The following LAMB4 variants were observed in gnomAD, a reference collection of about 807,000 sequenced individuals.
The protein encoded by LAMB4 is laminin subunit beta 4.
A neutral mutation model predicts 199.2 loss-of-function variants in LAMB4; 196 were observed. The ratio of observed to expected loss-of-function variants is 0.98; its 90% confidence interval spans 0.88 to 1.11. The LOEUF (loss-of-function observed/expected upper bound fraction) is 1.11. Among genes scored for constraint, LAMB4 ranks in the 50% least tolerant of loss-of-function variants. The pLI, the probability that LAMB4 is intolerant of heterozygous loss-of-function variation, is 0.00. For missense variants in LAMB4, 2,080 were observed against 2,171.2 expected (o/e 0.96, Z 0.83); for synonymous variants, 744 against 770.6 (o/e 0.97, Z 0.57).
chr7:108,113,665 C>A (rs2038308858), intron 3 of LAMB4, among the ~76,000 whole-genome samples: 1 of 152,170 alleles, frequency 6.6e-6, no homozygotes, highest in African/African-American at 2.4e-5. Flanking sequence ...AACTTCAGGG[C>A]TTGTGGACCA....
intron 29 of LAMB4, among the ~76,000 whole-genome samples, chr7:108,038,897 G>A (rs569509882): frequency 7.2e-5 from 11 of 152,272 alleles, no homozygotes; most frequent in African/African-American, 2.4e-4. Flanking sequence ...GCCGTCAGGT[G>A]AGGACCTATA....
intron 24 of LAMB4, among the ~76,000 whole-genome samples, chr7:108,057,607 C>T (rs374638363): frequency 4.5e-4 from 69 of 151,948 alleles, no homozygotes; most frequent in African/African-American, 1.5e-3. Context: ...AGACAGGCTA[C>T]GAATTTTAAT....
Position 108,057,871 on chromosome 7 carries a change from G to A in LAMB4, c.3340C>T (p.Gln1114Ter), listed in dbSNP as rs1174848391. 1.2e-6 allele frequency: 2 copies of A among 1,613,490 alleles called. No homozygotes were observed. The highest frequency in any genetic ancestry group is 2.7e-5 in the African/African-American group (2 of 74,866). The change falls in exon 24 of 34, where the codon CAG (glutamine) becomes TAG (stop). Residue 1114 changes from glutamine to a stop codon, truncating the protein, a stop_gained. Coordinates refer to ENST00000388781, the MANE Select transcript of LAMB4 (RefSeq NM_007356.3). LOFTEE classifies it high-confidence loss of function. The stretch of plus-strand genomic sequence containing the variant: ...GGTGGATCACCATAATAATTTTCCT[G>A]GCACTCACTGCAACGTTTCCCGCCG... ...GYGGKRCSEC[Q>*]ENYYGDPPGR...
At chr7:108,128,269 C>G (rs182319590) in intron 1 of LAMB4, among the ~76,000 whole-genome samples, 8 of 152,230 alleles carry the variant, frequency 5.3e-5, no homozygotes, top group Admixed American at 2.0e-4. Context: ...ATGTCTTGTT[C>G]GCTGACTCCA....
chr7:108,109,338 C>A (rs886608352), intron 4 of LAMB4, 94 bp from the exon 5 acceptor site: 5 of 892,080 alleles, frequency 5.6e-6, no homozygotes, highest in Admixed American at 1.8e-5. Context: ...GTAATAAAAT[C>A]TCTTTGATGC....
At chr7:108,024,500 G>A (rs918859433) in intron 33 of LAMB4, among the ~76,000 whole-genome samples, 2 of 152,124 alleles carry the variant, frequency 1.3e-5, no homozygotes, top group African/African-American at 2.4e-5. Flanking sequence ...ATTTCCAAAG[G>A]TTTGTTCTTA....
At chr7:108,040,264 C>T (rs1448360731) in intron 29 of LAMB4, among the ~76,000 whole-genome samples, 2 of 152,066 alleles carry the variant, frequency 1.3e-5, no homozygotes, top group Non-Finnish European at 2.9e-5. Context: ...CCAGAGGTGA[C>T]TCAAACAAAT....
chr7:108,057,497 T>C (rs2036020124), intron 24 of LAMB4, among the ~76,000 whole-genome samples: 1 of 152,226 alleles, frequency 6.6e-6, no homozygotes, highest in Non-Finnish European at 1.5e-5. Flanking sequence ...TGGCTATGTA[T>C]GGCTGACCAT....
chr7:108,122,856 T>C (rs2038648095), intron 2 of LAMB4, among the ~76,000 whole-genome samples: 1 of 152,242 alleles, frequency 6.6e-6, no homozygotes, highest in East Asian at 1.9e-4. Context: ...ATTGTATTTG[T>C]AAATTAAGAC....
In LAMB4 at chr7:108,091,688, G is replaced by A. The variant is rs1229228768; in HGVS notation, c.1639C>T (p.Pro547Ser). 1 of 1,614,026 alleles carries A rather than the reference G, an allele frequency of 6.2e-7. No individual in the cohort carries two copies. Among genetic ancestry groups the A allele is most frequent in the Non-Finnish European group, 8.5e-7 (1 of 1,180,026 alleles). ...GCCTCGTAGAGATAGAAATTCAAAG[G>A]AGCAAAGAAGTAGCCAGGGGCTGGT... Reference protein sequence around the residue: ...SEPAPGYFFAPLNFYLYEAEE... With the variant: ...SEPAPGYFFASLNFYLYEAEE... The change falls in exon 14 of 34, where the codon CCT becomes TCT. Residue 547 changes from proline (P) to serine (S), a missense_variant. Transcript: ENST00000388781.
intron 26 of LAMB4, 73 bp from the exon 27 acceptor site, chr7:108,049,604 A>C: frequency 1.2e-6 from 1 of 822,556 alleles, no homozygotes. Context: ...TATTAAGATA[A>C]TCATTCTATA....
intron 29 of LAMB4, 103 bp from the exon 30 acceptor site, chr7:108,037,698 G>A: frequency 6.3e-6 from 5 of 796,850 alleles, no homozygotes; most frequent in East Asian, 5.0e-5. Flanking sequence ...ACTTGCACTT[G>A]ATTATGTGCC....
rs138692380 is a variant in LAMB4 at position 108,047,851 on chromosome 7, A to G, written c.4326+57T>C. On this transcript the variant is annotated intron_variant, in intron 28 of 33. Transcript: ENST00000388781. ...TTATATGGCAGTTTTATAAATTTTAAGCAGTCTGCTTCTTTATTGCTATAA... is the reference window on the plus strand; with the variant it reads ...TTATATGGCAGTTTTATAAATTTTAGGCAGTCTGCTTCTTTATTGCTATAA... 11 of 1,401,554 alleles carry G rather than the reference A, an allele frequency of 7.8e-6. No homozygotes were observed. The Admixed American group carries it at 1.9e-4, about 24-fold the overall frequency. 86.8% of individuals were successfully genotyped at this position (1,401,554 alleles called of 1,614,324 possible).
At position 108,111,955 on chromosome 7, in the gene LAMB4, C is replaced by G; in HGVS notation, c.193-9G>C. On this transcript the variant is annotated splice_polypyrimidine_tract_variant and intron_variant, in intron 3 of 33. Transcript: ENST00000388781. ...AAGCATTTTTGTTCCCCCTGGAAAA[C>G]ACCATTATTAAAATTAAAAATAAAA... 6.3e-7 allele frequency: 1 copy of G among 1,585,814 alleles called. No homozygotes were observed. Among genetic ancestry groups the G allele is most frequent in the Non-Finnish European group, 8.5e-7 (1 of 1,169,670 alleles).
At chr7:108,060,980 A>T (rs755599208) in intron 23 of LAMB4, among the ~76,000 whole-genome samples, 3 of 152,244 alleles carry the variant, frequency 2.0e-5, no homozygotes, top group Non-Finnish European at 4.4e-5. Flanking sequence ...TGCTTCAGCC[A>T]GGTGACCAAG....
intron 5 of LAMB4, among the ~76,000 whole-genome samples, chr7:108,108,131 G>T (rs2038091508): frequency 1.3e-5 from 2 of 151,952 alleles, no homozygotes; most frequent in Admixed American, 1.3e-4. Context: ...CCAGAGTTTT[G>T]CCATGTTGCC....
intron 4 of LAMB4, among the ~76,000 whole-genome samples, chr7:108,109,508 G>A (rs1476849531): frequency 1.3e-5 from 2 of 152,176 alleles, no homozygotes; most frequent in African/African-American, 4.8e-5. Context: ...CATTACATAT[G>A]ACCAAGGGAG....
chr7:108,116,111 G>T lies in LAMB4; in HGVS notation c.85C>A (p.His29Asn), dbSNP rs777968080. Residue 29 changes from histidine to asparagine, a missense_variant, in exon 3 of 34, where the codon CAT (histidine) becomes AAT (asparagine). His to Asn is a moderately conservative substitution (Grantham distance 68). Transcript: ENST00000388781. ...ACCAGGAGATCACCAGTGGTGGGAT[G>T]ACAGGCACCCCTGTTGCAGTCATCT... ...AQDDCNRGAC[H>N]PTTGDLLVGR... is the part of the protein sequence containing the mutation. 8.1e-6 allele frequency: 13 copies of T among 1,614,046 alleles called. No homozygotes were observed. Among genetic ancestry groups the T allele is most frequent in the Non-Finnish European group, 1.1e-5 (13 of 1,179,940 alleles).
rs114349754 is a variant in LAMB4, at chr7:108,107,870, A to G, written c.403-51T>C. 5,507 of 1,212,250 alleles carry G rather than the reference A, an allele frequency of 4.5e-3. 88 individuals carry two copies. The highest frequency in any genetic ancestry group is 0.045 in the African/African-American group (2,937 of 64,678). 75.1% of individuals were successfully genotyped at this position (1,212,250 alleles called of 1,614,324 possible). ...ACATTTCACAAAGGCAGATTTTATT[A>G]TCAACTTCAGATTGAATATTTGTAT... On this transcript the variant is annotated intron_variant, in intron 5 of 33. Coordinates refer to ENST00000388781, the MANE Select transcript of LAMB4 (RefSeq NM_007356.3).
Sources: gnomAD v4.1 joint callset for allele counts (sites outside exome capture counted in the v4.1 genomes callset) on GRCh38, gnomAD v4.1.1 for gene constraint, MANE v1.5 for transcripts, NCBI Gene and HGNC (gene_info 2026-07-23, HGNC 2026-07-21) for gene names.